Variants in HLCS observed in about 807,000 individuals in gnomAD.
HLCS encodes holocarboxylase synthetase.
HLCS carries 53 observed loss-of-function variants against 75.0 expected under a neutral mutation model. The ratio of observed to expected loss-of-function variants is 0.71; its 90% CI spans 0.57 to 0.89. The LOEUF (loss-of-function observed/expected upper bound fraction) is 0.89. Ranked by LOEUF, HLCS falls within the 40% of genes least tolerant of loss-of-function variation. HLCS has a pLI of 0.00. For missense variants in HLCS, 966 were observed against 1,074.0 expected (o/e 0.90, Z 1.41); for synonymous variants, 431 against 428.6 (o/e 1.01, Z -0.07).
intron 6 of HLCS, among the ~76,000 whole-genome samples, chr21:36,821,693 A>C (rs2061846034): frequency 6.6e-6 from 1 of 152,240 alleles, no homozygotes; most frequent in Non-Finnish European, 1.5e-5. Flanking sequence ...GCATGTGTTT[A>C]AAGACACAAA....
At chr21:36,886,449 A>G (rs1210473726) in intron 6 of HLCS, among the ~76,000 whole-genome samples, 1 of 151,568 alleles carries the variant, frequency 6.6e-6, no homozygotes, top group Non-Finnish European at 1.5e-5. Context: ...AAAAAAAAAA[A>G]AAAAAAGATG....
chr21:36,814,045 C>A (rs906175226), intron 6 of HLCS, among the ~76,000 whole-genome samples: 7 of 152,072 alleles, frequency 4.6e-5, no homozygotes, highest in Admixed American at 3.9e-4. Context: ...GTGGGTTTCC[C>A]AGAGTAGGGC....
chr21:36,900,435 A>G (rs768016392), intron 5 of HLCS, among the ~76,000 whole-genome samples: 1 of 152,220 alleles, frequency 6.6e-6, no homozygotes, highest in Non-Finnish European at 1.5e-5. Flanking sequence ...GAGCCTGGGC[A>G]GAAGGTGGAG....
chr21:36,977,269 GT>G (rs2068965169), intron 1 of HLCS, among the ~76,000 whole-genome samples: 2 of 152,236 alleles, frequency 1.3e-5, no homozygotes, highest in African/African-American at 4.8e-5. Context: ...GGAGAAATCT[GT>G]GAGCAGTTTC....
intron 6 of HLCS, among the ~76,000 whole-genome samples, chr21:36,848,719 A>T (rs1313217580): frequency 6.6e-6 from 1 of 151,920 alleles, no homozygotes. Flanking sequence ...TTCTTTTATC[A>T]TTTTCCCTTG....
intron 6 of HLCS, among the ~76,000 whole-genome samples, chr21:36,780,369 C>A (rs1348220011): frequency 6.6e-6 from 1 of 152,162 alleles, no homozygotes; most frequent in African/African-American, 2.4e-5. Flanking sequence ...CAGGTGCCCA[C>A]CACCACGCCT....
intron 6 of HLCS, among the ~76,000 whole-genome samples, chr21:36,886,306 G>A (rs2064456163): frequency 6.6e-6 from 1 of 151,910 alleles, no homozygotes; most frequent in South Asian, 2.1e-4. Context: ...GGTAGCAGGT[G>A]TCTGTAGTCT....
At chr21:36,949,011 T>C (rs896399002) in intron 2 of HLCS, among the ~76,000 whole-genome samples, 7 of 152,158 alleles carry the variant, frequency 4.6e-5, no homozygotes, top group Non-Finnish European at 1.5e-5. Flanking sequence ...TTGTGTTCTG[T>C]AGACAGCCGA....
At position 36,966,426 on chromosome 21, in the gene HLCS, C is replaced by A; in HGVS notation, c.195+18G>T. The A allele has an allele frequency of 5.7e-6, 1 of 176,248 alleles. No individual in the cohort carries two copies. Among genetic ancestry groups the A allele is most frequent in the Non-Finnish European group, 1.0e-5 (1 of 96,412 alleles). 10.9% of individuals were successfully genotyped at this position (176,248 alleles called of 1,614,324 possible). The stretch of plus-strand genomic sequence containing the variant: ...CGGCTCGCGGGGCCCGGGTCGCCCG[C>A]CCGCCCGACCCGCCCACCTGGCTGT... On this transcript the variant is annotated intron_variant, in intron 1 of 10. Transcript: ENST00000674895.
intron 1 of HLCS, among the ~76,000 whole-genome samples, chr21:36,966,125 TG>T (rs1318920357): frequency 6.6e-6 from 1 of 152,042 alleles, no homozygotes; most frequent in Non-Finnish European, 1.5e-5. Flanking sequence ...GAGAGGAGGT[TG>T]GGGGCGACCC....
intron 1 of HLCS, among the ~76,000 whole-genome samples, chr21:36,983,500 T>C (rs13051479): frequency 0.87 from 131,776 of 151,808 alleles, 57,400 homozygotes; most frequent in East Asian, 0.95. Context: ...CACGAGCCAC[T>C]GCGCCCAGCC....
At chr21:36,759,449 C>A (rs2089737470) in intron 9 of HLCS, among the ~76,000 whole-genome samples, 1 of 152,208 alleles carries the variant, frequency 6.6e-6, no homozygotes. Context: ...TTCACCATTT[C>A]AAATTCAATG....
At chr21:36,882,214 G>A (rs1040096425) in intron 6 of HLCS, among the ~76,000 whole-genome samples, 2 of 151,020 alleles carry the variant, frequency 1.3e-5, no homozygotes, top group Non-Finnish European at 3.0e-5. Flanking sequence ...CCCGGAAGGC[G>A]GAGCTTGCAG....
intron 6 of HLCS, among the ~76,000 whole-genome samples, chr21:36,841,989 T>G (rs1213071416): frequency 6.6e-6 from 1 of 152,046 alleles, no homozygotes; most frequent in African/African-American, 2.4e-5. Context: ...GGGTATACAC[T>G]CAACAAAAAT....
intron 5 of HLCS, among the ~76,000 whole-genome samples, chr21:36,924,041 A>G (rs763477782): frequency 1.4e-4 from 22 of 152,218 alleles, no homozygotes; most frequent in Non-Finnish European, 2.1e-4. Context: ...GTCAAAAGCT[A>G]TTCAAGGTGC....
At position 36,989,963 on chromosome 21, in the gene HLCS, T is replaced by C. The variant is rs1892915; in HGVS notation, c.-393+195A>G. On this transcript the variant is annotated intron_variant, in intron 1 of 11. Coordinates refer to the HLCS transcript ENST00000336648. ...TGGGCCGCGAGGTCCCTATGGCTGCTCCACCGGAAGCCCCGCCCCCTTCTG... is the reference window on the plus strand; with the variant it reads ...TGGGCCGCGAGGTCCCTATGGCTGCCCCACCGGAAGCCCCGCCCCCTTCTG... 0.77 allele frequency among the ~76,000 whole-genome samples: 117,512 copies of C among 152,032 alleles called. 45,558 individuals are homozygous for C. The highest frequency in any genetic ancestry group is 0.82 in the South Asian group (3,945 of 4,828).
In HLCS at chr21:36,917,671, T is replaced by G. The variant is rs570864507; in HGVS notation, c.1620+12580A>C. 1.6e-3 allele frequency among the ~76,000 whole-genome samples: 244 copies of G among 152,280 alleles called. 2 individuals are homozygous for G. The highest frequency in any genetic ancestry group is 8.7e-3 in the South Asian group (42 of 4,830). ...GAGTTTTGAAACCAGGATTGGTAGC[T>G]TAACAAAATTTACTGGTTGTAGAAA... On this transcript the variant is annotated intron_variant, in intron 5 of 10. Coordinates refer to ENST00000674895, the MANE Select transcript of HLCS (RefSeq NM_001352514.2).
chr21:36,819,975 A>C (rs148953521), intron 6 of HLCS, among the ~76,000 whole-genome samples: 54 of 152,350 alleles, frequency 3.5e-4, no homozygotes, highest in African/African-American at 1.2e-3. Flanking sequence ...ATCCTACCTA[A>C]GCCAGATAAA....
At chr21:36,775,558 C>A (rs2060331358) in intron 6 of HLCS, among the ~76,000 whole-genome samples, 1 of 152,248 alleles carries the variant, frequency 6.6e-6, no homozygotes, top group Non-Finnish European at 1.5e-5. Flanking sequence ...CAGATCCCTG[C>A]CTCTGACGGC....
Sources: gnomAD v4.1 joint callset for allele counts (sites outside exome capture counted in the v4.1 genomes callset) on GRCh38, gnomAD v4.1.1 for gene constraint, MANE v1.5 for transcripts, NCBI Gene and HGNC (gene_info 2026-07-23, HGNC 2026-07-21) for gene names.